The following UTRN variants were observed in gnomAD, a reference collection of about 807,000 sequenced individuals.
The protein encoded by UTRN is dystrophin-related protein 1.
Under a neutral mutation model 463.9 loss-of-function variants are expected in UTRN, and 283 were observed. The ratio of observed to expected loss-of-function variants is 0.61; its 90% CI spans 0.55 to 0.67. The LOEUF is 0.67. UTRN is among the 30% of genes least tolerant of loss of function. The pLI is 0.00. For synonymous variants in UTRN, 1,442 were observed against 1,431.5 expected (o/e 1.01, Z -0.17); for missense variants, 3,922 against 4,084.3 (o/e 0.96, Z 1.08).
At chr6:144,442,380 T>TA (rs1350187603) in intron 13 of UTRN, among the ~76,000 whole-genome samples, 1 of 152,318 alleles carries the variant, frequency 6.6e-6, no homozygotes, top group African/African-American at 2.4e-5. Context: ...CTCTGCCTGT[T>TA]ACCGAGTTCC....
At chr6:144,560,745 A>C (rs1799794665) in intron 50 of UTRN, among the ~76,000 whole-genome samples, 1 of 152,140 alleles carries the variant, frequency 6.6e-6, no homozygotes, top group Admixed American at 6.6e-5. Flanking sequence ...TTGATAACAG[A>C]AATCTTTGAA....
At chr6:144,797,742 C>T in intron 63 of UTRN, 82 bp from the exon 64 acceptor site, 2 of 1,427,026 alleles carry the variant, frequency 1.4e-6, no homozygotes, top group Non-Finnish European at 1.9e-6. Context: ...CACAAATTTT[C>T]AGAAGATTAT....
intron 9 of UTRN, among the ~76,000 whole-genome samples, chr6:144,434,501 A>G (rs533729911): frequency 6.6e-6 from 1 of 152,306 alleles, no homozygotes; most frequent in South Asian, 2.1e-4. Flanking sequence ...GAGTTGGAGA[A>G]GTCTGAGGAG....
At chr6:144,315,380 C>T (rs1421341568) in intron 2 of UTRN, among the ~76,000 whole-genome samples, 1 of 152,054 alleles carries the variant, frequency 6.6e-6, no homozygotes, top group Non-Finnish European at 1.5e-5. Flanking sequence ...GTGGGCAGCA[C>T]TGTGGTGAGA....
At chr6:144,823,784 G>A (rs997935912) in intron 66 of UTRN, among the ~76,000 whole-genome samples, 4 of 152,078 alleles carry the variant, frequency 2.6e-5, no homozygotes, top group Non-Finnish European at 5.9e-5. Context: ...TAATTCAAGG[G>A]TTGTGAGAAT....
At chr6:144,630,455 C>G (rs1464276186) in intron 51 of UTRN, among the ~76,000 whole-genome samples, 1 of 152,176 alleles carries the variant, frequency 6.6e-6, no homozygotes, top group Non-Finnish European at 1.5e-5. Context: ...GGAGCAAAGT[C>G]ACGTCTTGCA....
At chr6:144,762,824 T>G (rs1279330106) in intron 58 of UTRN, among the ~76,000 whole-genome samples, 1 of 152,208 alleles carries the variant, frequency 6.6e-6, no homozygotes, top group Non-Finnish European at 1.5e-5. Flanking sequence ...ACACAGATGG[T>G]TCTCTATACA....
At chr6:144,670,018 C>T (rs1309904985) in intron 51 of UTRN, among the ~76,000 whole-genome samples, 1 of 150,574 alleles carries the variant, frequency 6.6e-6, no homozygotes, top group Non-Finnish European at 1.5e-5. Context: ...TTTTCTTTAT[C>T]CACTTGTTGA....
At chr6:144,818,890 TTG>T (rs1159868179) in intron 65 of UTRN, among the ~76,000 whole-genome samples, 51 of 132,316 alleles carry the variant, frequency 3.9e-4, no homozygotes, top group Admixed American at 3.3e-3. Flanking sequence ...CTACAATCTG[TTG>T]TTTTTTTTTT....
At position 144,821,603 on chromosome 6, in the gene UTRN, T is replaced by C. The variant is rs529431815; in HGVS notation, c.9494+585T>C. 8.5e-5 allele frequency among the ~76,000 whole-genome samples: 13 copies of C among 152,188 alleles called. No homozygotes were observed. In the East Asian group the frequency reaches 9.6e-4, roughly 11 times the overall value. On this transcript the variant is annotated intron_variant, in intron 66 of 74. Coordinates refer to ENST00000367545, the MANE Select transcript of UTRN (RefSeq NM_007124.3). ...TTTATTCAAAGTGTATAATTTGAGT[T>C]GGTTAGCATACATGAAAGTTTCAAG...
intron 42 of UTRN, among the ~76,000 whole-genome samples, chr6:144,531,652 A>G (rs1797070564): frequency 6.6e-6 from 1 of 152,172 alleles, no homozygotes; most frequent in African/African-American, 2.4e-5. Context: ...ATGTAAGTCT[A>G]ATTCAGTCTT....
chr6:144,783,814 C>T (rs1320057434), intron 61 of UTRN, among the ~76,000 whole-genome samples: 2 of 152,158 alleles, frequency 1.3e-5, no homozygotes, highest in South Asian at 4.1e-4. Context: ...TAATCAGCCA[C>T]TGTGTGCTTG....
At chr6:144,455,383 G>C (rs1788715870) in intron 19 of UTRN, among the ~76,000 whole-genome samples, 1 of 152,200 alleles carries the variant, frequency 6.6e-6, no homozygotes, top group African/African-American at 2.4e-5. Flanking sequence ...GACACAAACA[G>C]ATGATAACTT....
intron 51 of UTRN, among the ~76,000 whole-genome samples, chr6:144,590,708 G>A (rs947111874): frequency 3.9e-5 from 6 of 152,166 alleles, no homozygotes; most frequent in South Asian, 4.2e-4. Context: ...CGAGTCTAGC[G>A]TGAGACTAAA....
Position 144,623,697 on chromosome 6 carries a change from T to C in UTRN, c.7479+46409T>C, listed in dbSNP as rs75729376. 7.3e-3 allele frequency among the ~76,000 whole-genome samples: 1,115 copies of C among 152,336 alleles called. 9 individuals carry two copies. The highest frequency in any genetic ancestry group is 0.01 in the Middle Eastern group (3 of 294). ...ATGTATTTAATTTTAATATTTCTAATTCACTATTTGCTTTGTTAGTATTTA... is the reference window on the plus strand; with the variant it reads ...ATGTATTTAATTTTAATATTTCTAACTCACTATTTGCTTTGTTAGTATTTA... On this transcript the variant is annotated intron_variant, in intron 51 of 74. Transcript: ENST00000367545.
intron 19 of UTRN, among the ~76,000 whole-genome samples, chr6:144,458,432 T>G (rs1209029476): frequency 6.6e-6 from 1 of 152,200 alleles, no homozygotes; most frequent in Non-Finnish European, 1.5e-5. Flanking sequence ...TCAAGGTAGT[T>G]GATCTTATTT....
rs148321646 is a variant in UTRN, at chr6:144,351,850, C to T, written c.80-51273C>T. ...GCACCTTGCACAGATTCTTCCAGGTCACTTGCACATATCGCCAGTAGAAAT... is the reference window on the plus strand; with the variant it reads ...GCACCTTGCACAGATTCTTCCAGGTTACTTGCACATATCGCCAGTAGAAAT... On this transcript the variant is annotated intron_variant, in intron 2 of 74. Transcript: ENST00000367545. 2.6e-5 allele frequency among the ~76,000 whole-genome samples: 4 copies of T among 152,306 alleles called. No individual in the cohort carries two copies. In the East Asian group the frequency reaches 7.7e-4, roughly 29 times the overall value.
rs775859371 is a variant in UTRN at position 144,447,296 on chromosome 6, G to C, written c.1700G>C (p.Ser567Thr). ...TSNFKDQKELSVSVRRLAILK... is the reference protein window; with the variant it reads ...TSNFKDQKELTVSVRRLAILK... Reference sequence around the variant, plus strand: ...AACTTCAAAGACCAAAAGGAACTAAGTGTCAGTGTTCGACGTCTGGCTGTA... The same window carrying C: ...AACTTCAAAGACCAAAAGGAACTAACTGTCAGTGTTCGACGTCTGGCTGTA... The change falls in exon 15 of 75, where the codon AGT becomes ACT. Residue 567 changes from serine (S) to threonine (T), a missense_variant. By Grantham distance (58) the Ser-to-Thr change is moderately conservative. This residue lies in a region of UTRN where 2,349 missense variants were observed against 2,303.8 expected (regional missense o/e 1.02). Coordinates refer to ENST00000367545, the MANE Select transcript of UTRN (RefSeq NM_007124.3). 6.8e-6 allele frequency: 11 copies of C among 1,613,622 alleles called. No individual in the cohort carries two copies. The Admixed American group carries it at 1.2e-4, about 17-fold the overall frequency.
intron 51 of UTRN, among the ~76,000 whole-genome samples, chr6:144,619,500 T>C (rs759221713): frequency 3.9e-4 from 59 of 152,302 alleles, no homozygotes; most frequent in Non-Finnish European, 6.9e-4. Context: ...AAGCCCAATT[T>C]ACCTTTAAAA....
Sources: gnomAD v4.1 joint callset for allele counts (sites outside exome capture counted in the v4.1 genomes callset) on GRCh38, gnomAD v4.1.1 for gene constraint, gnomAD v4.1.1 regional missense constraint, MANE v1.5 for transcripts, NCBI Gene and HGNC (gene_info 2026-07-23, HGNC 2026-07-21) for gene names.